Variants in ALG9 observed in about 807,000 individuals in gnomAD.
The protein encoded by ALG9 is alpha-1,2-mannosyltransferase ALG9.
A neutral mutation model predicts 81.8 loss-of-function variants in ALG9; 55 were observed. That is an observed-to-expected ratio of 0.67 (90% CI 0.54 to 0.84). The LOEUF is 0.84. ALG9 is among the 40% of genes least tolerant of loss of function. The pLI is 0.00. For synonymous variants in ALG9, 278 were observed against 274.3 expected (o/e 1.01, Z -0.13); for missense variants, 629 against 745.0 (o/e 0.84, Z 1.81).
At chr11:111,841,349 T>C (rs1004224090) in intron 9 of ALG9, among the ~76,000 whole-genome samples, 1 of 152,222 alleles carries the variant, frequency 6.6e-6, no homozygotes, top group Non-Finnish European at 1.5e-5. Context: ...TGACGGAGTT[T>C]GTTTCAAGGC....
At chr11:111,770,055 T>G in the ALG9 span, among the ~76,000 whole-genome samples, 1 of 152,062 alleles carries the variant, frequency 6.6e-6, no homozygotes, top group African/African-American at 2.4e-5. Flanking sequence ...GCTATGAGAA[T>G]GAAACAGGTA....
intron 6 of ALG9, among the ~76,000 whole-genome samples, chr11:111,855,726 A>T (rs764758065): frequency 1.3e-5 from 2 of 152,208 alleles, no homozygotes. Flanking sequence ...AGATAACTGG[A>T]CTAGACATTA....
At chr11:111,846,467 A>G (rs1023681509) in intron 8 of ALG9, among the ~76,000 whole-genome samples, 6 of 152,234 alleles carry the variant, frequency 3.9e-5, no homozygotes, top group Non-Finnish European at 8.8e-5. Context: ...ACAATTTACT[A>G]TACCCTCCTG....
At chr11:111,827,623 T>C (rs1405852764) in intron 13 of ALG9, among the ~76,000 whole-genome samples, 1 of 151,956 alleles carries the variant, frequency 6.6e-6, no homozygotes, top group African/African-American at 2.4e-5. Flanking sequence ...TCCCAGCACT[T>C]TGGGAGGCCA....
the ALG9 span, chr11:111,769,546 G>A: frequency 6.6e-6 from 1 of 152,280 alleles, no homozygotes; most frequent in East Asian, 1.9e-4. Flanking sequence ...TTGAGCCTGG[G>A]AGGTTGAGGC....
intron 13 of ALG9, among the ~76,000 whole-genome samples, chr11:111,812,915 CAAAAAA>C (rs57311061): frequency 0.41 from 40,859 of 98,974 alleles, 7,227 homozygotes; most frequent in East Asian, 0.66. Context: ...GACTCTGTCT[CAAAAAA>C]AAAAAAAAAA....
chr11:111,862,569 CTT>C (rs1234072560), intron 4 of ALG9, among the ~76,000 whole-genome samples: 1 of 147,028 alleles, frequency 6.8e-6, no homozygotes. Context: ...TCTATATTAC[CTT>C]TTTTTTTTGG....
the ALG9 span, chr11:111,768,785 C>T: frequency 6.7e-6 from 1 of 148,590 alleles, no homozygotes; most frequent in Non-Finnish European, 1.5e-5. Context: ...CCTCAGCCTC[C>T]TGAGTAGCTA....
At chr11:111,864,595 T>A in intron 4 of ALG9, 1 of 517,828 alleles carries the variant, frequency 1.9e-6, no homozygotes, top group Non-Finnish European at 3.6e-6. Context: ...TCTAGTTTCA[T>A]CAGTCTTTAA....
At chr11:111,822,982 C>A (rs183435268) in intron 13 of ALG9, among the ~76,000 whole-genome samples, 1 of 152,340 alleles carries the variant, frequency 6.6e-6, no homozygotes, top group Non-Finnish European at 1.5e-5. Context: ...CGAGATCACA[C>A]CATTGCCCTC....
chr11:111,860,827 T>C (rs1959822814), intron 4 of ALG9, among the ~76,000 whole-genome samples, 192 bp from the exon 5 acceptor site: 1 of 152,180 alleles, frequency 6.6e-6, no homozygotes, highest in Admixed American at 6.5e-5. Context: ...GAAGAGAAGC[T>C]CCCTACCTAA....
intron 13 of ALG9, among the ~76,000 whole-genome samples, chr11:111,826,232 A>G (rs1953252447): frequency 6.6e-6 from 1 of 151,612 alleles, no homozygotes; most frequent in Non-Finnish European, 1.5e-5. Context: ...CAAAAAAATA[A>G]AAAATTAGCT....
intron 14 of ALG9, among the ~76,000 whole-genome samples, chr11:111,809,288 G>A (rs781862666): frequency 2.9e-4 from 44 of 152,180 alleles, no homozygotes; most frequent in Non-Finnish European, 6.2e-4. Context: ...CAGCACTTTG[G>A]GAGACCATGG....
the ALG9 span, among the ~76,000 whole-genome samples, chr11:111,771,657 C>T: frequency 5.8e-3 from 884 of 152,190 alleles, 14 homozygotes; most frequent in African/African-American, 0.02. Flanking sequence ...ATGACAGGGG[C>T]GGGAAACCTG....
At chr11:111,870,750 T>C in intron 1 of ALG9, 1 of 1,013,206 alleles carries the variant, frequency 9.9e-7, no homozygotes, top group Non-Finnish European at 1.2e-6. Context: ...TCACTCCATT[T>C]ATCCCAAGCC....
chr11:111,806,675 T>A (rs1565722067), intron 14 of ALG9, among the ~76,000 whole-genome samples: 1 of 152,146 alleles, frequency 6.6e-6, no homozygotes, highest in Non-Finnish European at 1.5e-5. Context: ...TTAAAAAATA[T>A]CATCTAAATG....
rs545550339 is a variant in ALG9 at position 111,866,061 on chromosome 11, G to A, written c.406-810C>T. Among the ~76,000 whole-genome samples the A allele has an allele frequency of 3.9e-5, 6 of 152,200 alleles. No homozygotes were observed. The South Asian group carries it at 8.3e-4, about 21-fold the overall frequency. On this transcript the variant is annotated intron_variant, in intron 3 of 14. Transcript: ENST00000616540. ...TGTAATTCCAACACTTTGGGAGGCCGAGGCAGGCGGATCACTTGAGGTCAG... is the reference window on the plus strand; with the variant it reads ...TGTAATTCCAACACTTTGGGAGGCCAAGGCAGGCGGATCACTTGAGGTCAG...
At chr11:111,800,679 T>C (rs1223574445) in intron 14 of ALG9, among the ~76,000 whole-genome samples, 1 of 152,122 alleles carries the variant, frequency 6.6e-6, no homozygotes, top group Non-Finnish European at 1.5e-5. Flanking sequence ...ACATAACACA[T>C]TTTGTAATTA....
chr11:111,854,263 A>ATTT (rs34277511), intron 6 of ALG9, among the ~76,000 whole-genome samples: 1 of 83,226 alleles, frequency 1.2e-5, no homozygotes, highest in Non-Finnish European at 2.1e-5. Context: ...GCCCTGGCTA[A>ATTT]TTTTTTTTTT....
Sources: allele counts gnomAD v4.1 joint callset (sites outside exome capture counted in the v4.1 genomes callset), GRCh38; gene constraint gnomAD v4.1.1; transcripts MANE v1.5; gene names NCBI Gene and HGNC (gene_info 2026-07-23, HGNC 2026-07-21).